TOP3A: variants seen among roughly 807,000 people sequenced by gnomAD.
TOP3A encodes the protein DNA topoisomerase III alpha, also known as DNA topoisomerase 3-alpha.
A neutral mutation model predicts 111.3 loss-of-function variants in TOP3A; 64 were observed. That is an observed-to-expected ratio of 0.57 (90% CI 0.47 to 0.71). TOP3A has a LOEUF of 0.71. Among genes scored for constraint, TOP3A ranks in the 30% least tolerant of loss-of-function variants. The pLI, the probability that TOP3A is intolerant of heterozygous loss-of-function variation, is 0.00. For synonymous variants in TOP3A, 484 were observed against 485.1 expected (o/e 1.00, Z 0.03); for missense variants, 1,104 against 1,285.0 (o/e 0.86, Z 2.15).
At chr17:18,295,191 C>T (rs1980720640) in intron 9 of TOP3A, among the ~76,000 whole-genome samples, 2 of 152,012 alleles carry the variant, frequency 1.3e-5, no homozygotes, top group African/African-American at 4.8e-5. Context: ...CTCGCCCTGT[C>T]GCCTAGGCTG....
intron 11 of TOP3A, 78 bp from the exon 12 acceptor site, chr17:18,291,105 C>T (rs910262273): frequency 4.7e-5 from 69 of 1,457,052 alleles, no homozygotes; most frequent in Non-Finnish European, 6.0e-5. Context: ...GTAGCCTTAG[C>T]CTAATGTCCT....
intron 1 of TOP3A, among the ~76,000 whole-genome samples, chr17:18,313,916 G>A (rs1428296731): frequency 6.6e-6 from 1 of 152,134 alleles, no homozygotes; most frequent in African/African-American, 2.4e-5. Context: ...ATATTTTCCT[G>A]GACAGCTCTT....
intron 18 of TOP3A, among the ~76,000 whole-genome samples, chr17:18,277,140 C>T (rs938875266): frequency 4.1e-5 from 6 of 147,632 alleles, no homozygotes; most frequent in Non-Finnish European, 7.4e-5. Flanking sequence ...ACCAAGATTG[C>T]ACCATTGCAC....
At chr17:18,295,753 C>G (rs8081042) in intron 9 of TOP3A, among the ~76,000 whole-genome samples, 33,335 of 151,306 alleles carry the variant, frequency 0.22, 3,862 homozygotes, top group East Asian at 0.3. Flanking sequence ...GCCACCGCGT[C>G]TGGCCCAGAA....
chr17:18,278,755 G>A (rs576086548), intron 17 of TOP3A, among the ~76,000 whole-genome samples: 4 of 152,168 alleles, frequency 2.6e-5, no homozygotes, highest in South Asian at 2.1e-4. Flanking sequence ...TGAGGCGGGC[G>A]GATCACAAAA....
At chr17:18,309,683 C>T (rs1981792654) in intron 1 of TOP3A, among the ~76,000 whole-genome samples, 1 of 150,688 alleles carries the variant, frequency 6.6e-6, no homozygotes, top group South Asian at 2.1e-4. Context: ...CAAACAAAAA[C>T]TTGTACATGA....
Position 18,285,233 on chromosome 17 carries a change from A to T in TOP3A, c.1786T>A (p.Cys596Ser). The change falls in exon 15 of 19, where the codon TGT (cysteine) becomes AGT (serine). Residue 596 changes from cysteine (C) to serine (S), a missense_variant. Physicochemically the swap from Cys to Ser is moderately radical, Grantham distance 112 (BLOSUM62 -1). Transcript: ENST00000321105. ...AELEADLKLICDGKKDKFVVL... is the reference protein window; with the variant it reads ...AELEADLKLISDGKKDKFVVL... ...ACAAATTTGTCCTTTTTGCCATCAC[A>T]GATCAGCTTCAGATCAGCTTCCAGT... 2 of 1,614,200 alleles carry T rather than the reference A, an allele frequency of 1.2e-6. No individual in the cohort carries two copies. The highest frequency in any genetic ancestry group is 1.7e-6 in the Non-Finnish European group (2 of 1,180,040).
At chr17:18,311,521 C>T (rs1435196775) in intron 1 of TOP3A, among the ~76,000 whole-genome samples, 1 of 152,164 alleles carries the variant, frequency 6.6e-6, no homozygotes. Context: ...CTTGAACTCA[C>T]GACCTCAGGT....
chr17:18,296,348 G>A (rs903466255), intron 9 of TOP3A, among the ~76,000 whole-genome samples: 1 of 152,218 alleles, frequency 6.6e-6, no homozygotes, highest in South Asian at 2.1e-4. Context: ...TTGGGAGGCC[G>A]AGGCGGGCGG....
Position 18,288,149 on chromosome 17 carries a change from A to AT in TOP3A, c.1597+2407_1597+2408insA, listed in dbSNP as rs1301508954. On this transcript the variant is annotated intron_variant, in intron 13 of 18. Transcript: ENST00000321105. ...TTAATAATTATATATATATATATAT[A>AT]AATTTTTTTTTTTTTTTTTTTTAGA... is the stretch of plus-strand genomic sequence containing the variant. Among the ~76,000 whole-genome samples, 764 of 121,808 alleles carry AT rather than the reference A, an allele frequency of 6.3e-3. 5 individuals carry two copies. The highest frequency in any genetic ancestry group is 0.024 in the African/African-American group (710 of 29,628). The allele number at this position is 121,808 out of a possible 152,430, so 79.9% of individuals were successfully genotyped here.
intron 3 of TOP3A, 80 bp downstream of exon 3, chr17:18,308,271 G>T (rs1479967460): frequency 6.0e-5 from 28 of 467,650 alleles, no homozygotes; most frequent in Non-Finnish European, 8.3e-5. Context: ...TACCCAGTAA[G>T]ATCAACATGC....
intron 10 of TOP3A, among the ~76,000 whole-genome samples, chr17:18,294,128 A>G (rs1002201333): frequency 2.6e-5 from 4 of 152,152 alleles, no homozygotes; most frequent in African/African-American, 9.7e-5. Context: ...TAAAGGTGCC[A>G]CCCACTGTCT....
At chr17:18,299,762 T>C in intron 8 of TOP3A, 129 bp from the exon 9 acceptor site, 2 of 809,172 alleles carry the variant, frequency 2.5e-6, no homozygotes, top group Middle Eastern at 2.3e-4. Flanking sequence ...AGTGACAGCC[T>C]AGAAGAGTGC....
In TOP3A at chr17:18,299,599, T is replaced by G; in HGVS notation, c.950A>C (p.Lys317Thr). 1 of 1,614,126 alleles carries G rather than the reference T, an allele frequency of 6.2e-7. No homozygotes were observed. The highest frequency in any genetic ancestry group is 2.2e-5 in the East Asian group (1 of 44,890). ...PMATVVEVRS[K>T]PKSKWRPQAL... The stretch of plus-strand genomic sequence containing the variant: ...TTGAGGCCGCCACTTGCTCTTGGGC[T>G]TAGATCTGACCTCTACCACAGTTGC... Residue 317 changes from lysine (K) to threonine (T), a missense_variant, in exon 9 of 19, where the codon AAG becomes ACG. Physicochemically the swap from Lys to Thr is moderately conservative, Grantham distance 78. Coordinates refer to ENST00000321105, the MANE Select transcript of TOP3A (RefSeq NM_004618.5).
At chr17:18,278,436 C>G in intron 17 of TOP3A, 79 bp from the exon 18 acceptor site, 1 of 1,322,852 alleles carries the variant, frequency 7.6e-7, no homozygotes. Flanking sequence ...GCTGCTTTAG[C>G]CCTAGGCCTC....
intron 9 of TOP3A, 133 bp from the exon 10 acceptor site, chr17:18,294,918 CT>C: frequency 1.6e-6 from 1 of 638,644 alleles, no homozygotes; most frequent in Non-Finnish European, 2.8e-6. Context: ...GCTGAAAAGG[CT>C]GCCCAACAAC....
rs1555572011 is a variant in TOP3A at position 18,305,218 on chromosome 17, T to A, written c.393A>T (p.Lys131Asn). 1 of 1,613,812 alleles carries A rather than the reference T, an allele frequency of 6.2e-7. No homozygotes were observed. Among genetic ancestry groups the A allele is most frequent in the Middle Eastern group, 1.6e-4 (1 of 6,062 alleles). Residue 131 changes from lysine (K) to asparagine (N), a missense_variant and splice_region_variant, in exon 5 of 19, where the codon AAA becomes AAT. Transcript: ENST00000321105. Reference protein sequence around the residue: ...YCPENFVDIKKTLERETRQCQ... With the variant: ...YCPENFVDIKNTLERETRQCQ... ...ACTGGCGAGTCTCTCGTTCCAAAGTTTTCTTAAGTTCGCAGTGGAATAAGA... is the reference window on the plus strand; with the variant it reads ...ACTGGCGAGTCTCTCGTTCCAAAGTATTCTTAAGTTCGCAGTGGAATAAGA...
At chr17:18,306,866 C>T in intron 4 of TOP3A, 25 bp downstream of exon 4, 1 of 1,484,002 alleles carries the variant, frequency 6.7e-7, no homozygotes, top group Non-Finnish European at 9.4e-7. Context: ...TGACTCAGTG[C>T]CATATGTCTT....
chr17:18,310,341 G>A (rs1040284286), intron 1 of TOP3A, among the ~76,000 whole-genome samples: 2 of 152,028 alleles, frequency 1.3e-5, no homozygotes, highest in Admixed American at 6.6e-5. Flanking sequence ...CAGGAGAATC[G>A]CTTGAACCTG....
Sources: gnomAD v4.1 joint callset for allele counts (sites outside exome capture counted in the v4.1 genomes callset) on GRCh38, gnomAD v4.1.1 for gene constraint, MANE v1.5 for transcripts, NCBI Gene and HGNC (gene_info 2026-07-23, HGNC 2026-07-21) for gene names.